SNCAIP: variants seen among roughly 807,000 people sequenced by gnomAD.
SNCAIP encodes the protein synuclein alpha interacting protein, also known as synphilin-1.
Under a neutral mutation model 86.7 loss-of-function variants are expected in SNCAIP, and 43 were observed. The observed-to-expected ratio is 0.50, with a 90% CI of 0.39 to 0.64. The LOEUF is 0.64. Ranked by LOEUF, SNCAIP falls within the 30% of genes least tolerant of loss-of-function variation. SNCAIP has a pLI of 0.00. For missense variants in SNCAIP, 981 were observed against 1,103.1 expected (o/e 0.89, Z 1.57); for synonymous variants, 417 against 427.2 (o/e 0.98, Z 0.29).
intron 6 of SNCAIP, among the ~76,000 whole-genome samples, chr5:122,439,585 T>A (rs1460687634): frequency 1.3e-5 from 2 of 152,194 alleles, no homozygotes; most frequent in African/African-American, 4.8e-5. Context: ...TTAGTTGGCA[T>A]GTTCAGAAGA....
At chr5:122,379,106 T>C (rs1766057793) in intron 1 of SNCAIP, among the ~76,000 whole-genome samples, 1 of 85,874 alleles carries the variant, frequency 1.2e-5, no homozygotes, top group African/African-American at 5.4e-5. Flanking sequence ...GGGGATGGCA[T>C]TGAATCTGTA....
chr5:122,371,879 C>T (rs899095494), intron 1 of SNCAIP: 9 of 152,224 alleles, frequency 5.9e-5, no homozygotes, highest in African/African-American at 1.9e-4. Flanking sequence ...AAATAATACG[C>T]AGCATTATTA....
chr5:122,451,657 C>A, intron 10 of SNCAIP, 56 bp downstream of exon 10: 1 of 1,274,348 alleles, frequency 7.8e-7, no homozygotes, highest in Non-Finnish European at 1.1e-6. Flanking sequence ...TATGTTGTTC[C>A]TAATATCACA....
intron 2 of SNCAIP, among the ~76,000 whole-genome samples, chr5:122,396,008 C>T (rs966514201): frequency 6.6e-6 from 1 of 152,066 alleles, no homozygotes; most frequent in Non-Finnish European, 1.5e-5. Context: ...TCCTAGCAGT[C>T]GCCCTGTTCT....
intron 1 of SNCAIP, among the ~76,000 whole-genome samples, chr5:122,375,723 G>C (rs1431079509): frequency 6.6e-6 from 1 of 151,768 alleles, no homozygotes; most frequent in Non-Finnish European, 1.5e-5. Context: ...TCTATCTCTT[G>C]TATAGCACAA....
chr5:122,352,159 C>T (rs1005827210), intron 1 of SNCAIP, among the ~76,000 whole-genome samples: 2 of 152,166 alleles, frequency 1.3e-5, no homozygotes, highest in Non-Finnish European at 2.9e-5. Context: ...GTCACCCAGA[C>T]ACTCCCGGAA....
intron 2 of SNCAIP, among the ~76,000 whole-genome samples, chr5:122,399,953 T>A (rs900276615): frequency 6.6e-6 from 1 of 152,102 alleles, no homozygotes; most frequent in African/African-American, 2.4e-5. Flanking sequence ...TAGGTTGTGT[T>A]GATACCACTG....
At chr5:122,378,066 G>A (rs1340622589) in intron 1 of SNCAIP, among the ~76,000 whole-genome samples, 1 of 147,456 alleles carries the variant, frequency 6.8e-6, no homozygotes, top group African/African-American at 2.5e-5. Context: ...GTAATGGGAT[G>A]GCTGGGTCAA....
At chr5:122,370,284 C>G (rs1764021729) in intron 1 of SNCAIP, among the ~76,000 whole-genome samples, 1 of 151,824 alleles carries the variant, frequency 6.6e-6, no homozygotes, top group Admixed American at 6.6e-5. Flanking sequence ...CTCTTGTACT[C>G]AATAGCCATG....
At chr5:122,321,938 TAA>T (rs1451677711) in intron 1 of SNCAIP, 1 of 151,830 alleles carries the variant, frequency 6.6e-6, no homozygotes, top group African/African-American at 2.4e-5. Flanking sequence ...TGTGAAATCA[TAA>T]GTCTTATTCA....
At chr5:122,417,485 A>G (rs1478253549) in intron 3 of SNCAIP, among the ~76,000 whole-genome samples, 2 of 152,200 alleles carry the variant, frequency 1.3e-5, no homozygotes, top group African/African-American at 4.8e-5. Flanking sequence ...AAGTGTTTTA[A>G]TATGCAGCAC....
intron 1 of SNCAIP, among the ~76,000 whole-genome samples, chr5:122,340,476 C>T (rs1757338965): frequency 1.3e-5 from 2 of 152,218 alleles, no homozygotes; most frequent in African/African-American, 4.8e-5. Context: ...CAATTTCTTC[C>T]AATACAAACT....
intron 1 of SNCAIP, among the ~76,000 whole-genome samples, chr5:122,352,522 C>T (rs1490706283): frequency 6.6e-6 from 1 of 152,174 alleles, no homozygotes; most frequent in Non-Finnish European, 1.5e-5. Flanking sequence ...GAAAAAGACT[C>T]ATCAATTGTG....
chr5:122,447,934 T>C (rs1782685789), intron 8 of SNCAIP, among the ~76,000 whole-genome samples: 2 of 152,212 alleles, frequency 1.3e-5, no homozygotes, highest in South Asian at 4.1e-4. Context: ...CAATTACATG[T>C]CAGTAGGTGA....
At chr5:122,317,067 G>T (rs1751899546) in intron 1 of SNCAIP, among the ~76,000 whole-genome samples, 1 of 149,742 alleles carries the variant, frequency 6.7e-6, no homozygotes, top group South Asian at 2.2e-4. Flanking sequence ...TTTTTAAAAT[G>T]ATCTGGTCTG....
In SNCAIP at chr5:122,450,885, A is replaced by T. The variant is rs761536084; in HGVS notation, c.2038A>T (p.Thr680Ser). ...LMQRSLSESD[T>S]DSNNSEDPKT... Reference sequence around the variant, plus strand: ...GCAGAGGTCACTGAGTGAGTCTGACACAGACTCCAACAACTCTGAGGACCC... The same window carrying T: ...GCAGAGGTCACTGAGTGAGTCTGACTCAGACTCCAACAACTCTGAGGACCC... Residue 680 changes from threonine (T) to serine (S), a missense_variant, in exon 10 of 11, where the codon ACA becomes TCA. Coordinates refer to ENST00000261368, the MANE Select transcript of SNCAIP (RefSeq NM_005460.4). 3 of 1,613,722 alleles carry T rather than the reference A, an allele frequency of 1.9e-6. No homozygotes were observed. The highest frequency in any genetic ancestry group is 2.5e-6 in the Non-Finnish European group (3 of 1,179,616).
At chr5:122,444,822 T>C (rs1561788811) in intron 8 of SNCAIP, 90 bp downstream of exon 8, 1 of 1,078,576 alleles carries the variant, frequency 9.3e-7, no homozygotes, top group Non-Finnish European at 1.4e-6. Flanking sequence ...AGCACTCTTC[T>C]TTCCAGTTGT....
chr5:122,375,076 CTG>C (rs1373811286), intron 1 of SNCAIP, among the ~76,000 whole-genome samples: 3 of 152,198 alleles, frequency 2.0e-5, no homozygotes, highest in East Asian at 1.9e-4. Flanking sequence ...AAGTCATACT[CTG>C]TGTATGTACA....
intron 1 of SNCAIP, among the ~76,000 whole-genome samples, chr5:122,314,359 A>C (rs557465933): frequency 2.6e-5 from 4 of 152,366 alleles, no homozygotes; most frequent in Admixed American, 2.6e-4. Context: ...GAGCAGGTGC[A>C]TCATTATAGG....
Sources: allele counts gnomAD v4.1 joint callset (sites outside exome capture counted in the v4.1 genomes callset), GRCh38; gene constraint gnomAD v4.1.1; transcripts MANE v1.5; gene names NCBI Gene and HGNC (gene_info 2026-07-23, HGNC 2026-07-21).